Variants in SEPTIN9 observed in about 807,000 individuals in gnomAD.
The protein encoded by SEPTIN9 is septin 9.
A neutral mutation model predicts 56.6 loss-of-function variants in SEPTIN9; 13 were observed. The ratio of observed to expected loss-of-function variants is 0.23; its 90% CI spans 0.15 to 0.37. SEPTIN9 has a LOEUF of 0.37. Ranked by LOEUF, SEPTIN9 falls within the 10% of genes least tolerant of loss-of-function variation. SEPTIN9 has a pLI of 1.00. For synonymous variants in SEPTIN9, 332 were observed against 334.1 expected, an observed-to-expected ratio of 0.99 and a Z score of 0.07; for missense variants, 650 against 823.1, an observed-to-expected ratio of 0.79 and a Z score of 2.57.
chr17:77,408,788 G>A (rs1484434519), intron 3 of SEPTIN9, among the ~76,000 whole-genome samples: 2 of 152,106 alleles, frequency 1.3e-5, no homozygotes, highest in African/African-American at 2.4e-5. Context: ...TGTGATTTAG[G>A]GAGGAAGGGC....
chr17:77,320,358 C>G (rs2032866347), intron 2 of SEPTIN9: 1 of 1,610,838 alleles, frequency 6.2e-7, no homozygotes, highest in Admixed American at 1.7e-5. Context: ...GGTACGCAGA[C>G]AGCCCCCTCC....
chr17:77,466,496 G>GGTCA (rs2038738724), intron 3 of SEPTIN9: 2 of 985,554 alleles, frequency 2.0e-6, no homozygotes, highest in East Asian at 2.3e-4. Flanking sequence ...GCGAGCCAGG[G>GGTCA]GTCACTACTG....
At chr17:77,300,172 A>C (rs1385306009) in intron 1 of SEPTIN9, among the ~76,000 whole-genome samples, 1 of 152,128 alleles carries the variant, frequency 6.6e-6, no homozygotes, top group African/African-American at 2.4e-5. Context: ...ATGTTGGCTC[A>C]CTGCAGCCTC....
chr17:77,379,228 C>A (rs1394863382), intron 2 of SEPTIN9, among the ~76,000 whole-genome samples: 1 of 152,064 alleles, frequency 6.6e-6, no homozygotes, highest in Non-Finnish European at 1.5e-5. Flanking sequence ...TACCCCTACA[C>A]TGGGCCCGGG....
chr17:77,307,671 G>C lies in SEPTIN9; in HGVS notation c.76+474G>C, dbSNP rs538189770. 3.5e-4 allele frequency among the ~76,000 whole-genome samples: 53 copies of C among 152,328 alleles called. 1 individual carries two copies. The South Asian group carries it at 0.011, about 30-fold the overall frequency. Reference sequence around the variant, plus strand: ...TCTAGGAGGAAATAAGTGGGCCTCTGGCAGTGGTCACTGTGCTACTCCTTG... The same window carrying C: ...TCTAGGAGGAAATAAGTGGGCCTCTCGCAGTGGTCACTGTGCTACTCCTTG... On this transcript the variant is annotated intron_variant, in intron 2 of 11. Transcript: ENST00000427177.
intron 1 of SEPTIN9, among the ~76,000 whole-genome samples, chr17:77,304,315 A>G (rs1187492475): frequency 6.6e-6 from 1 of 152,222 alleles, no homozygotes; most frequent in Non-Finnish European, 1.5e-5. Flanking sequence ...GCTGCCAGGC[A>G]CCAGATGCCC....
rs552459280 is a variant in SEPTIN9, at chr17:77,303,452, C to T, written c.20-3689C>T. On this transcript the variant is annotated intron_variant, in intron 1 of 11. Transcript: ENST00000427177. Reference sequence around the variant, plus strand: ...ATCACAGCCAGATAACGGTGACTAACGCCTGTAATCCGAACACTTTGGGAG... The same window carrying T: ...ATCACAGCCAGATAACGGTGACTAATGCCTGTAATCCGAACACTTTGGGAG... 2.0e-3 allele frequency among the ~76,000 whole-genome samples: 301 copies of T among 151,336 alleles called. 4 individuals carry two copies. The highest frequency in any genetic ancestry group is 3.0e-3 in the Non-Finnish European group (202 of 67,868).
At position 77,321,097 on chromosome 17, in the gene SEPTIN9, C is replaced by A. The variant is rs559794050; in HGVS notation, c.76+13900C>A. On this transcript the variant is annotated intron_variant, in intron 2 of 11. Transcript: ENST00000427177. ...GGCTGCCATCTCACGTGGCCAGCGC[C>A]GTCATCGGTAATTAGCAGTGATGAC... Among the ~76,000 whole-genome samples, 16 of 152,364 alleles carry A rather than the reference C, an allele frequency of 1.1e-4. No homozygotes were observed. In the East Asian group the frequency reaches 3.1e-3, roughly 29 times the overall value.
intron 3 of SEPTIN9, among the ~76,000 whole-genome samples, chr17:77,404,776 A>G (rs1209826320): frequency 6.6e-6 from 1 of 151,944 alleles, no homozygotes; most frequent in African/African-American, 2.4e-5. Flanking sequence ...TGGGCCTTGG[A>G]AGGTCCTTTC....
At chr17:77,296,092 C>A (rs940290021) in intron 1 of SEPTIN9, among the ~76,000 whole-genome samples, 1 of 120,010 alleles carries the variant, frequency 8.3e-6, no homozygotes, top group Non-Finnish European at 1.7e-5. Context: ...CTCCTCCCCC[C>A]TCACTTGTAA....
At chr17:77,295,622 G>T (rs898268165) in intron 1 of SEPTIN9, among the ~76,000 whole-genome samples, 1 of 152,156 alleles carries the variant, frequency 6.6e-6, no homozygotes, top group Non-Finnish European at 1.5e-5. Context: ...ACAAAGGAGG[G>T]CACAAGAAGT....
At position 77,486,487 on chromosome 17, in the gene SEPTIN9, G is replaced by GGTGTGTGT. The variant is rs773025304; in HGVS notation, c.914-909_914-902dup. 9.1e-3 allele frequency among the ~76,000 whole-genome samples: 1,312 copies of GGTGTGTGT among 143,706 alleles called. 11 individuals carry two copies. Among genetic ancestry groups the GGTGTGTGT allele is most frequent in the East Asian group, 0.021 (103 of 4,924 alleles). The allele number at this position is 143,706 out of a possible 152,430, so 94.3% of individuals were successfully genotyped here. On this transcript the variant is annotated intron_variant, in intron 4 of 11. Coordinates refer to ENST00000427177, the MANE Select transcript of SEPTIN9 (RefSeq NM_001113491.2). ...AGCAATGGGGCTCCGAGTCTGGAGG[G>GGTGTGTGT]GTGTGTGTGTGTGTGTGTGTGTGTG...
intron 2 of SEPTIN9, among the ~76,000 whole-genome samples, chr17:77,352,452 C>T (rs2034097570): frequency 6.6e-6 from 1 of 151,798 alleles, no homozygotes; most frequent in South Asian, 2.1e-4. Flanking sequence ...AAATGTCTTC[C>T]CTAAAGTTTC....
intron 1 of SEPTIN9, among the ~76,000 whole-genome samples, chr17:77,289,707 C>G (rs1356333874): frequency 6.6e-6 from 1 of 152,050 alleles, no homozygotes; most frequent in East Asian, 1.9e-4. Context: ...CGCACCCGGC[C>G]TATGCTTTTT....
rs2034619719 is a variant in SEPTIN9 at position 77,367,955 on chromosome 17, G to A, written c.77-34104G>A. Among the ~76,000 whole-genome samples the A allele has an allele frequency of 6.6e-6, 1 of 152,254 alleles. No homozygotes were observed. The highest frequency in any genetic ancestry group is 6.5e-5 in the Admixed American group (1 of 15,290). On this transcript the variant is annotated intron_variant, in intron 2 of 11. Coordinates refer to ENST00000427177, the MANE Select transcript of SEPTIN9 (RefSeq NM_001113491.2). The surrounding 1 kb of genome is among the most constrained non-coding windows in gnomAD (Gnocchi z 4.5). ...TGTGGAAGGAATGGATATACAAAGT[G>A]TGTGTACACACAGTGGAATATCATT...
At chr17:77,292,489 G>T (rs200745574) in intron 1 of SEPTIN9, among the ~76,000 whole-genome samples, 5,996 of 141,198 alleles carry the variant, frequency 0.042, 154 homozygotes, top group East Asian at 0.059. Context: ...GCAGTTTTTT[G>T]TTTTTTTTTT....
rs565752089 is a variant in SEPTIN9 at position 77,298,783 on chromosome 17, C to G, written c.20-8358C>G. 2.6e-5 allele frequency among the ~76,000 whole-genome samples: 4 copies of G among 152,206 alleles called. No homozygotes were observed. The South Asian group carries it at 6.2e-4, about 24-fold the overall frequency. ...GGGTGCTTTGGAACAACATGCAATCCAATACACAGGCTGACTTTATTATTT... is the reference window on the plus strand; with the variant it reads ...GGGTGCTTTGGAACAACATGCAATCGAATACACAGGCTGACTTTATTATTT... On this transcript the variant is annotated intron_variant, in intron 1 of 11. Coordinates refer to ENST00000427177, the MANE Select transcript of SEPTIN9 (RefSeq NM_001113491.2).
chr17:77,456,212 G>A lies in SEPTIN9; in HGVS notation c.722-25932G>A, dbSNP rs1421292495. Among the ~76,000 whole-genome samples, 2 of 152,196 alleles carry A rather than the reference G, an allele frequency of 1.3e-5. No individual in the cohort carries two copies. Among genetic ancestry groups the A allele is most frequent in the South Asian group, 2.1e-4 (1 of 4,814 alleles). ...CTGGGGGGCCGGGTGGGTGGGAGCC[G>A]AGGCCAGGGAGAACAGCGCAGACCT... On this transcript the variant is annotated intron_variant, in intron 3 of 11. Transcript: ENST00000427177. This position sits in a 1 kb window ranked among gnomAD's most constrained non-coding sequence, Gnocchi z 6.0.
chr17:77,301,044 G>C (rs1425131828), intron 1 of SEPTIN9, among the ~76,000 whole-genome samples: 1 of 104,698 alleles, frequency 9.6e-6, no homozygotes, highest in African/African-American at 3.8e-5. Context: ...CCCTATCCCA[G>C]GCTCAAACCG....
Sources: allele counts gnomAD v4.1 joint callset (sites outside exome capture counted in the v4.1 genomes callset), GRCh38; gene constraint gnomAD v4.1.1; non-coding constraint Gnocchi (gnomAD v3.1); transcripts MANE v1.5; gene names NCBI Gene and HGNC (gene_info 2026-07-23, HGNC 2026-07-21).